Variants in NFKB1 observed in about 807,000 individuals in gnomAD.
The protein encoded by NFKB1 is nuclear factor NF-kappa-B p105 subunit.
In NFKB1, 9 loss-of-function variants were observed where a neutral mutation model predicts 105.1. The observed-to-expected ratio is 0.09, with a 90% CI of 0.05 to 0.15. The LOEUF (loss-of-function observed/expected upper bound fraction) is 0.15, where lower values mean the gene tolerates loss of function less well. NFKB1 is among the 10% of genes least tolerant of loss of function. The pLI, the probability that NFKB1 is intolerant of heterozygous loss-of-function variation, is 1.00. For synonymous variants in NFKB1, 440 were observed against 442.2 expected, an observed-to-expected ratio of 1.00 and a Z score of 0.06; for missense variants, 830 against 1,203.7, an observed-to-expected ratio of 0.69 and a Z score of 4.59.
At position 102,616,495 on chromosome 4, in the gene NFKB1, C is replaced by G. The variant is rs781291036; in HGVS notation, c.2811C>G (p.Leu937=). The G allele has an allele frequency of 2.5e-6, 4 of 1,614,144 alleles. No homozygotes were observed. The East Asian group carries it at 8.9e-5, about 36-fold the overall frequency. ...DSGVETSFRK[L]SFTESLTSGA... ...GCGTGGAGACATCCTTCCGCAAACT[C>G]AGCTTTACCGAGTCTCTGACCAGTG... is the stretch of plus-strand genomic sequence containing the variant. Residue 937 remains leucine, a synonymous_variant, in exon 24 of 24, where the codon CTC becomes CTG. Transcript: ENST00000226574.
At chr4:102,520,452 A>C (rs1356234255) in intron 1 of NFKB1, among the ~76,000 whole-genome samples, 2 of 152,156 alleles carry the variant, frequency 1.3e-5, no homozygotes, top group Non-Finnish European at 2.9e-5. Flanking sequence ...TACCTGTTGG[A>C]TTGACATTCC....
intron 6 of NFKB1, among the ~76,000 whole-genome samples, chr4:102,575,931 A>G (rs144499896): frequency 1.4e-4 from 22 of 152,354 alleles, no homozygotes; most frequent in African/African-American, 5.3e-4. Flanking sequence ...ATTTCCTGGC[A>G]CTGATAAGGA....
In NFKB1 at chr4:102,582,935, C is replaced by A; in HGVS notation, c.905C>A (p.Ser302Tyr). 1 of 1,610,536 alleles carries A rather than the reference C, an allele frequency of 6.2e-7. No homozygotes were observed. The highest frequency in any genetic ancestry group is 1.1e-5 in the South Asian group (1 of 90,824). The change falls in exon 10 of 24, where the codon TCC becomes TAC. Residue 302 changes from serine to tyrosine, a missense_variant. Ser to Tyr is a moderately radical substitution (Grantham distance 144, BLOSUM62 -2). Transcript: ENST00000226574. ...GGVWEGFGDFSPTDVHRQFAI... is the reference protein window; with the variant it reads ...GGVWEGFGDFYPTDVHRQFAI... ...GTCTGGGAAGGATTTGGAGATTTTTCCCCCACAGATGTTCATAGACAAGTA... is the reference window on the plus strand; with the variant it reads ...GTCTGGGAAGGATTTGGAGATTTTTACCCCACAGATGTTCATAGACAAGTA...
At chr4:102,570,986 T>C (rs560918514) in intron 6 of NFKB1, among the ~76,000 whole-genome samples, 17 of 152,266 alleles carry the variant, frequency 1.1e-4, no homozygotes, top group African/African-American at 4.1e-4. Flanking sequence ...AAAACTACTT[T>C]CAAGTTCATA....
chr4:102,531,176 T>G (rs1741266577), intron 3 of NFKB1, among the ~76,000 whole-genome samples: 1 of 152,244 alleles, frequency 6.6e-6, no homozygotes, highest in Admixed American at 6.5e-5. Context: ...GCAGACGTTT[T>G]CTTAATTTTA....
intron 1 of NFKB1, among the ~76,000 whole-genome samples, chr4:102,516,126 A>G (rs1401700670): frequency 6.6e-6 from 1 of 151,744 alleles, no homozygotes; most frequent in South Asian, 2.1e-4. Flanking sequence ...ATGCTTATCA[A>G]TTGTTCCCCC....
chr4:102,521,827 A>G (rs1740592715), intron 1 of NFKB1, among the ~76,000 whole-genome samples: 1 of 152,236 alleles, frequency 6.6e-6, no homozygotes, highest in Middle Eastern at 3.2e-3. Context: ...TATAGAACTC[A>G]TCACATGTTC....
intron 9 of NFKB1, among the ~76,000 whole-genome samples, chr4:102,580,942 TAAAC>T (rs1366879871): frequency 2.0e-5 from 3 of 152,208 alleles, no homozygotes; most frequent in Non-Finnish European, 4.4e-5. Context: ...TGTACTTTGT[TAAAC>T]AAAAATAAAT....
intron 5 of NFKB1, among the ~76,000 whole-genome samples, chr4:102,566,330 G>A (rs1723864201): frequency 1.3e-5 from 2 of 152,154 alleles, no homozygotes; most frequent in South Asian, 4.1e-4. Context: ...TACTTAAGGA[G>A]TACACTTTTT....
intron 4 of NFKB1, 163 bp from the exon 5 acceptor site, chr4:102,537,695 T>C: frequency 2.0e-6 from 1 of 509,678 alleles, no homozygotes; most frequent in Non-Finnish European, 3.6e-6. Context: ...GTAGTAAGAT[T>C]ACGGGAAAAG....
At chr4:102,611,552 T>C (rs1265390555) in intron 20 of NFKB1, among the ~76,000 whole-genome samples, 2 of 152,218 alleles carry the variant, frequency 1.3e-5, no homozygotes, top group Non-Finnish European at 2.9e-5. Flanking sequence ...GGACCCTCAG[T>C]TAAAATGTCA....
At chr4:102,518,656 G>A (rs1740362345) in intron 1 of NFKB1, among the ~76,000 whole-genome samples, 1 of 152,124 alleles carries the variant, frequency 6.6e-6, no homozygotes, top group Non-Finnish European at 1.5e-5. Flanking sequence ...TCTGTGGGCT[G>A]CCTAGTTCAT....
At chr4:102,563,795 T>C (rs112095301) in intron 5 of NFKB1, among the ~76,000 whole-genome samples, 1 of 151,204 alleles carries the variant, frequency 6.6e-6, no homozygotes, top group Non-Finnish European at 1.5e-5. Context: ...CTTTGTCTCC[T>C]TGACTTTAAC....
intron 1 of NFKB1, among the ~76,000 whole-genome samples, chr4:102,507,857 C>T: frequency 6.6e-6 from 1 of 152,182 alleles, no homozygotes. Flanking sequence ...ACCTATCCCT[C>T]TTTATCCCAG....
At chr4:102,594,824 C>T in intron 12 of NFKB1, 68 bp from the exon 13 acceptor site, 1 of 1,121,926 alleles carries the variant, frequency 8.9e-7, no homozygotes, top group Non-Finnish European at 1.3e-6. Flanking sequence ...GAGAGACAGA[C>T]ACTAAGTTGT....
chr4:102,613,996 C>T (rs566147605), intron 23 of NFKB1, among the ~76,000 whole-genome samples: 24 of 152,292 alleles, frequency 1.6e-4, no homozygotes, highest in African/African-American at 5.5e-4. Context: ...CCAAAAGTCT[C>T]GCAACCATAT....
In NFKB1 at chr4:102,596,179, G is replaced by A. The variant is rs202196813; in HGVS notation, c.1342G>A (p.Asp448Asn). 166 of 1,612,072 alleles carry A rather than the reference G, an allele frequency of 1.0e-4. No individual in the cohort carries two copies. Among genetic ancestry groups the A allele is most frequent in the Non-Finnish European group, 5.3e-5 (63 of 1,178,678 alleles). ...ATCTAAAAAGGACCCTGAAGGTTGT[G>A]ACAAAAGTGATGACAAAAACACTGT... ...TESKKDPEGC[D>N]KSDDKNTVNL... The change falls in exon 14 of 24, where the codon GAC (aspartate) becomes AAC (asparagine). Residue 448 changes from aspartate to asparagine, a missense_variant. By Grantham distance (23) the Asp-to-Asn change is conservative. Around this residue, in one of 8 missense-constraint regions of NFKB1, gnomAD observed 163 missense variants for 164.3 expected, o/e 0.99. Coordinates refer to ENST00000226574, the MANE Select transcript of NFKB1 (RefSeq NM_003998.4).
In NFKB1 at chr4:102,610,588, G is replaced by C. The variant is rs762133441; in HGVS notation, c.2241G>C (p.Leu747=). The part of the protein sequence containing the change: ...ALLKAAGADP[L]VENFEPLYDL... ...CTAACTTCGCAGGAGCAGATCCCCT[G>C]GTGGAGAACTTTGAGCCTCTCTATG... The change falls in exon 20 of 24, where the codon CTG becomes CTC. Residue 747 remains leucine, a synonymous_variant. Coordinates refer to ENST00000226574, the MANE Select transcript of NFKB1 (RefSeq NM_003998.4). 8.7e-6 allele frequency: 14 copies of C among 1,613,920 alleles called. No individual in the cohort carries two copies. The highest frequency in any genetic ancestry group is 1.0e-5 in the Non-Finnish European group (12 of 1,179,886).
chr4:102,602,951 G>T (rs779523019), intron 16 of NFKB1, among the ~76,000 whole-genome samples: 1 of 152,108 alleles, frequency 6.6e-6, no homozygotes, highest in Non-Finnish European at 1.5e-5. Flanking sequence ...ATAAAACCAG[G>T]AATGGGACAT....
Sources: gnomAD v4.1 joint callset for allele counts (sites outside exome capture counted in the v4.1 genomes callset) on GRCh38, gnomAD v4.1.1 for gene constraint, gnomAD v4.1.1 regional missense constraint, MANE v1.5 for transcripts, NCBI Gene and HGNC (gene_info 2026-07-23, HGNC 2026-07-21) for gene names.